MAGT1: variants seen among roughly 807,000 people sequenced by gnomAD.
The protein encoded by MAGT1 is magnesium transporter 1.
Under a neutral mutation model 28.4 loss-of-function variants are expected in MAGT1, and 4 were observed. The ratio of observed to expected loss-of-function variants is 0.14; its 90% CI spans 0.07 to 0.32. MAGT1 has a LOEUF of 0.32. Among genes scored for constraint, MAGT1 ranks in the 10% least tolerant of loss-of-function variants. The pLI is 1.00. For synonymous variants in MAGT1, 89 were observed against 89.7 expected (o/e 0.99, Z 0.04); for missense variants, 193 against 264.5 (o/e 0.73, Z 1.88).
intron 8 of MAGT1, among the ~76,000 whole-genome samples, chrX:77,837,026 T>C (rs1014292815): frequency 2.0e-4 from 23 of 112,303 alleles, no homozygotes; most frequent in African/African-American, 7.1e-4. Context: ...TAAAGAAACG[T>C]CTATTAATTT....
At chrX:77,894,547 T>C (rs374983512) in intron 1 of MAGT1, among the ~76,000 whole-genome samples, 82 of 112,207 alleles carry the variant, frequency 7.3e-4, no homozygotes, top group African/African-American at 1.6e-3. Flanking sequence ...CTTTTTCTCA[T>C]CTATAAAATT....
rs2076909629 is a variant in MAGT1, at chrX:77,834,291, T to TATATATATACATGTGTGTATATATATGC, written c.902-3397_902-3396insGCATATATATACACACATGTATATATAT. Reference sequence around the variant, plus strand: ...ATATGCATATATGTATATATATGCATATATATATATACATGTGTGTATATA... The same window carrying TATATATATACATGTGTGTATATATATGC: ...ATATGCATATATGTATATATATGCATATATATATACATGTGTGTATATATATGCATATATATATACATGTGTGTATATA... On this transcript the variant is annotated intron_variant, in intron 8 of 9. Transcript: ENST00000618282. Among the ~76,000 whole-genome samples the TATATATATACATGTGTGTATATATATGC allele has an allele frequency of 7.2e-5, 7 of 97,384 alleles. No individual in the cohort carries two copies. The South Asian group carries it at 3.3e-3, about 46-fold the overall frequency. 84.6% of individuals were successfully genotyped at this position (97,384 alleles called of 115,157 possible). A position where few individuals can be genotyped will look rare whatever the true frequency, so the allele number is the denominator to read the frequency against.
intron 1 of MAGT1, among the ~76,000 whole-genome samples, chrX:77,890,696 C>T (rs2077079864): frequency 8.9e-6 from 1 of 111,992 alleles, no homozygotes; most frequent in African/African-American, 3.2e-5. Flanking sequence ...ACTTTATTTT[C>T]TAACATTTAC....
At chrX:77,877,383 C>G (rs1399294384) in intron 1 of MAGT1, among the ~76,000 whole-genome samples, 1 of 109,552 alleles carries the variant, frequency 9.1e-6, no homozygotes, top group Non-Finnish European at 1.9e-5. Flanking sequence ...CCCAGCTGCT[C>G]AGAAGGCTGA....
At chrX:77,841,209 C>T in intron 8 of MAGT1, 37 bp downstream of exon 8, 3 of 999,601 alleles carry the variant, frequency 3.0e-6, no homozygotes, top group Non-Finnish European at 4.3e-6. Context: ...TTCCATAGTA[C>T]AGGCAGCACT....
intron 8 of MAGT1, among the ~76,000 whole-genome samples, chrX:77,835,512 TAAG>T (rs2076914480): frequency 9.0e-6 from 1 of 111,561 alleles, no homozygotes; most frequent in East Asian, 2.8e-4. Context: ...GTATAACCAC[TAAG>T]AAGAACAGTT....
At chrX:77,882,899 A>G (rs1467265921) in intron 1 of MAGT1, among the ~76,000 whole-genome samples, 1 of 106,072 alleles carries the variant, frequency 9.4e-6, no homozygotes, top group East Asian at 2.9e-4. Context: ...CCCAGGAGTT[A>G]GAGGCTGCAG....
chrX:77,893,162 T>A (rs1557219624), intron 1 of MAGT1, among the ~76,000 whole-genome samples: 1 of 111,753 alleles, frequency 8.9e-6, no homozygotes, highest in Non-Finnish European at 1.9e-5. Context: ...AATAAATACA[T>A]ACATACCTAC....
intron 1 of MAGT1, among the ~76,000 whole-genome samples, chrX:77,880,515 G>A (rs1020355863): frequency 6.4e-5 from 7 of 110,027 alleles, no homozygotes; most frequent in Admixed American, 9.8e-5. Context: ...GTGACAGAGC[G>A]ACACTCAGTC....
Position 77,833,214 on chromosome X carries a change from A to G in MAGT1, c.902-2319T>C, listed in dbSNP as rs782209858. On this transcript the variant is annotated intron_variant, in intron 8 of 9. Transcript: ENST00000618282. ...AATCTTTGGCCAACAACTGTTCGAG[A>G]ATGGTGTAAACATTACACGTGGAAT... Among the ~76,000 whole-genome samples the G allele has an allele frequency of 2.7e-5, 3 of 112,561 alleles. No individual in the cohort carries two copies. The South Asian group carries it at 1.1e-3, about 41-fold the overall frequency.
chrX:77,872,914 T>C (rs1557217433), intron 2 of MAGT1, among the ~76,000 whole-genome samples: 2 of 112,320 alleles, frequency 1.8e-5, no homozygotes, highest in Non-Finnish European at 3.8e-5. Flanking sequence ...TGTTGTTTAA[T>C]TTTTATTTGT....
intron 3 of MAGT1, among the ~76,000 whole-genome samples, chrX:77,862,529 C>CA (rs1164508157): frequency 9.0e-6 from 1 of 110,666 alleles, no homozygotes; most frequent in Non-Finnish European, 1.9e-5. Context: ...AAAACAAAAA[C>CA]AAAAAAAATT....
intron 3 of MAGT1, among the ~76,000 whole-genome samples, chrX:77,861,325 T>A (rs954536011): frequency 9.0e-6 from 1 of 111,409 alleles, no homozygotes; most frequent in East Asian, 2.8e-4. Flanking sequence ...CACAATGAGA[T>A]ACCACCTCAC....
Position 77,834,274 on chromosome X carries a change from A to G in MAGT1, c.902-3379T>C, listed in dbSNP as rs782465570. ...TATATACATGTGTGTATATATGCAT[A>G]TATGTATATATATGCATATATATAT... On this transcript the variant is annotated intron_variant, in intron 8 of 9. Transcript: ENST00000618282. 3.3e-4 allele frequency among the ~76,000 whole-genome samples: 33 copies of G among 99,555 alleles called. 1 individual carries two copies. In the East Asian group the frequency reaches 3.7e-3, roughly 11 times the overall value. 86.5% of individuals were successfully genotyped at this position (99,555 alleles called of 115,157 possible). A position where few individuals can be genotyped will look rare whatever the true frequency, so the allele number is the denominator to read the frequency against.
At chrX:77,883,026 TTTG>T (rs2077057028) in intron 1 of MAGT1, among the ~76,000 whole-genome samples, 1 of 101,111 alleles carries the variant, frequency 9.9e-6, no homozygotes, top group African/African-American at 3.5e-5. Context: ...AAATTATATA[TTTG>T]TTATTTATAT....
intron 1 of MAGT1, among the ~76,000 whole-genome samples, chrX:77,891,171 G>A (rs1019554339): frequency 9.0e-6 from 1 of 110,928 alleles, no homozygotes; most frequent in African/African-American, 3.3e-5. Flanking sequence ...AAAACCAGTC[G>A]CTGCAAAAAC....
intron 7 of MAGT1, among the ~76,000 whole-genome samples, chrX:77,848,088 C>G (rs781989378): frequency 7.1e-5 from 8 of 112,238 alleles, no homozygotes; most frequent in African/African-American, 1.9e-4. Flanking sequence ...CTGTCAAGAG[C>G]TATGATGCAG....
At chrX:77,861,966 A>G (rs1340414010) in intron 3 of MAGT1, among the ~76,000 whole-genome samples, 1 of 111,439 alleles carries the variant, frequency 9.0e-6, no homozygotes, top group Non-Finnish European at 1.9e-5. Flanking sequence ...AATTCTGGAG[A>G]TTGGTTGTAC....
intron 1 of MAGT1, among the ~76,000 whole-genome samples, chrX:77,884,613 T>C (rs2077062096): frequency 9.1e-6 from 1 of 110,190 alleles, no homozygotes; most frequent in African/African-American, 3.3e-5. Context: ...CAGATCATTG[T>C]TGTGAGGAGT....
Sources: gnomAD v4.1 joint callset for allele counts (sites outside exome capture counted in the v4.1 genomes callset) on GRCh38, gnomAD v4.1.1 for gene constraint, MANE v1.5 for transcripts, NCBI Gene and HGNC (gene_info 2026-07-23, HGNC 2026-07-21) for gene names.